The following SMOC1 variants were observed in gnomAD, a reference collection of about 807,000 sequenced individuals.
SMOC1 encodes the protein SPARC-related modular calcium-binding protein 1.
In SMOC1, 22 loss-of-function variants were observed where a neutral mutation model predicts 56.3. The ratio of observed to expected loss-of-function variants is 0.39; its 90% CI spans 0.28 to 0.56. The LOEUF (loss-of-function observed/expected upper bound fraction) is 0.56. SMOC1 is among the 20% of genes least tolerant of loss of function. The pLI, the probability that SMOC1 is intolerant of heterozygous loss-of-function variation, is 0.61. For missense variants in SMOC1, 509 were observed against 565.4 expected (o/e 0.90, Z 1.01); for synonymous variants, 193 against 215.0 (o/e 0.90, Z 0.89).
chr14:69,975,071 C>T (rs543513516), intron 3 of SMOC1, among the ~76,000 whole-genome samples: 25 of 152,182 alleles, frequency 1.6e-4, no homozygotes, highest in African/African-American at 4.6e-4. Context: ...TGACTGGGTG[C>T]GGTGGCTCAC....
intron 5 of SMOC1, among the ~76,000 whole-genome samples, chr14:69,988,806 G>A (rs227427): frequency 0.6 from 91,051 of 152,044 alleles, 27,732 homozygotes; most frequent in African/African-American, 0.67. Flanking sequence ...ACAACATGTG[G>A]TATTTACATC....
At chr14:69,920,585 T>A (rs1188250248) in intron 1 of SMOC1, among the ~76,000 whole-genome samples, 1 of 152,218 alleles carries the variant, frequency 6.6e-6, no homozygotes, top group Non-Finnish European at 1.5e-5. Flanking sequence ...GAGCTTCTGT[T>A]CTGTGCCAGA....
chr14:70,001,167 A>G (rs888681552), intron 7 of SMOC1, among the ~76,000 whole-genome samples: 10 of 151,946 alleles, frequency 6.6e-5, no homozygotes, highest in African/African-American at 1.9e-4. Context: ...GATTTTGTTT[A>G]ATTGTAAGAC....
chr14:69,927,108 A>G (rs544261998), intron 1 of SMOC1, among the ~76,000 whole-genome samples: 1 of 152,286 alleles, frequency 6.6e-6, no homozygotes, highest in African/African-American at 2.4e-5. Flanking sequence ...ACTGAGGCAC[A>G]GAGAAGCTAA....
At chr14:69,946,622 G>A (rs1200667464) in intron 1 of SMOC1, among the ~76,000 whole-genome samples, 1 of 152,184 alleles carries the variant, frequency 6.6e-6, no homozygotes, top group Non-Finnish European at 1.5e-5. Flanking sequence ...GCTTGCTCCT[G>A]CCCAATCCCC....
chr14:69,885,986 G>A, intron 1 of SMOC1: 6 of 1,587,024 alleles, frequency 3.8e-6, no homozygotes, highest in South Asian at 1.1e-5. Flanking sequence ...CACAAAGCGG[G>A]TGAGGTCTCT....
intron 1 of SMOC1, among the ~76,000 whole-genome samples, chr14:69,881,653 C>G (rs927764232): frequency 6.6e-6 from 1 of 152,102 alleles, no homozygotes; most frequent in Admixed American, 6.6e-5. Context: ...CTTTCTCTCT[C>G]TCACTCAAAT....
chr14:69,922,334 A>T (rs1884868673), intron 1 of SMOC1, among the ~76,000 whole-genome samples: 1 of 152,218 alleles, frequency 6.6e-6, no homozygotes, highest in South Asian at 2.1e-4. Context: ...GCCTCTCTTC[A>T]TCATGCTTCA....
chr14:69,910,328 C>T (rs142120217), intron 1 of SMOC1, among the ~76,000 whole-genome samples: 51 of 152,332 alleles, frequency 3.3e-4, no homozygotes, highest in Non-Finnish European at 6.8e-4. Context: ...TTGCAAAGTC[C>T]TGTGCTTTCC....
At chr14:69,940,373 T>C (rs1882506175) in intron 1 of SMOC1, among the ~76,000 whole-genome samples, 1 of 152,194 alleles carries the variant, frequency 6.6e-6, no homozygotes, top group African/African-American at 2.4e-5. Context: ...GCCAGCAGGC[T>C]CAGTGCCATG....
At chr14:69,942,437 T>G (rs1037512885) in intron 1 of SMOC1, among the ~76,000 whole-genome samples, 3 of 152,340 alleles carry the variant, frequency 2.0e-5, no homozygotes, top group Admixed American at 2.0e-4. Context: ...AGTTGTAATT[T>G]GCGTGGAGTA....
intron 11 of SMOC1, among the ~76,000 whole-genome samples, chr14:70,028,845 C>T (rs1886030982): frequency 6.6e-6 from 1 of 152,212 alleles, no homozygotes; most frequent in Non-Finnish European, 1.5e-5. Context: ...ACGCCCACTC[C>T]ACCCCATGTC....
At chr14:69,899,104 A>G (rs1884171755) in intron 1 of SMOC1, among the ~76,000 whole-genome samples, 1 of 152,124 alleles carries the variant, frequency 6.6e-6, no homozygotes. Context: ...TCTCCCAGGT[A>G]GGTTAGTCTC....
chr14:70,029,156 G>A (rs534944649), intron 11 of SMOC1, among the ~76,000 whole-genome samples: 36 of 152,332 alleles, frequency 2.4e-4, no homozygotes, highest in Admixed American at 1.0e-3. Context: ...CTCTTGATGT[G>A]CTTGCCCCCA....
At position 69,889,499 on chromosome 14, in the gene SMOC1, C is replaced by A. The variant is rs557743357; in HGVS notation, c.99+9722C>A. Among the ~76,000 whole-genome samples, 7 of 152,302 alleles carry A rather than the reference C, an allele frequency of 4.6e-5. 1 individual carries two copies. In the East Asian group the frequency reaches 7.7e-4, roughly 17 times the overall value. ...CAGACAGACTTAAGTGTGAGTCTGGCTCTGCTGTTGGGCACCCGGGCTAGT... is the reference window on the plus strand; with the variant it reads ...CAGACAGACTTAAGTGTGAGTCTGGATCTGCTGTTGGGCACCCGGGCTAGT... On this transcript the variant is annotated intron_variant, in intron 1 of 11. Transcript: ENST00000361956.
chr14:70,025,726 C>A (rs920214697), intron 11 of SMOC1, among the ~76,000 whole-genome samples: 9 of 152,212 alleles, frequency 5.9e-5, no homozygotes, highest in Admixed American at 1.3e-4. Context: ...GTGAGCATTT[C>A]CTTTGAGCAT....
intron 1 of SMOC1, among the ~76,000 whole-genome samples, chr14:69,905,084 G>A (rs1032046776): frequency 6.6e-5 from 10 of 152,114 alleles, no homozygotes; most frequent in Admixed American, 6.5e-4. Context: ...TGGTCAGAAT[G>A]GTGATGATAA....
chr14:69,934,478 A>C (rs1356098014), intron 1 of SMOC1, among the ~76,000 whole-genome samples: 1 of 152,208 alleles, frequency 6.6e-6, no homozygotes, highest in African/African-American at 2.4e-5. Context: ...GAGACAGAGC[A>C]ATCTCCAATC....
intron 1 of SMOC1, among the ~76,000 whole-genome samples, chr14:69,924,358 G>A (rs1237835010): frequency 1.3e-5 from 2 of 152,056 alleles, no homozygotes; most frequent in Non-Finnish European, 2.9e-5. Context: ...CATTTTTTGT[G>A]GTGAGAACAT....
Sources: allele counts gnomAD v4.1 joint callset (sites outside exome capture counted in the v4.1 genomes callset), GRCh38; gene constraint gnomAD v4.1.1; transcripts MANE v1.5; gene names NCBI Gene and HGNC (gene_info 2026-07-23, HGNC 2026-07-21).